The following ANKRD44 variants were observed in gnomAD, a reference collection of about 807,000 sequenced individuals.
The protein encoded by ANKRD44 is serine/threonine-protein phosphatase 6 regulatory ankyrin repeat subunit B.
A neutral mutation model predicts 116.0 loss-of-function variants in ANKRD44; 35 were observed. That is an observed-to-expected ratio of 0.30 (90% CI 0.23 to 0.40). The LOEUF (loss-of-function observed/expected upper bound fraction) is 0.40, where lower values mean the gene tolerates loss of function less well. Ranked by LOEUF, ANKRD44 falls within the 10% of genes least tolerant of loss-of-function variation. The pLI, the probability that ANKRD44 is intolerant of heterozygous loss-of-function variation, is 1.00. For missense variants in ANKRD44, 1,014 were observed against 1,242.6 expected, an observed-to-expected ratio of 0.82 and a Z score of 2.77; for synonymous variants, 435 against 461.8, an observed-to-expected ratio of 0.94 and a Z score of 0.74.
At chr2:197,216,811 A>G (rs1270191128) in intron 1 of ANKRD44, among the ~76,000 whole-genome samples, 1 of 151,598 alleles carries the variant, frequency 6.6e-6, no homozygotes, top group Non-Finnish European at 1.5e-5. Flanking sequence ...ACTTTATGCC[A>G]TGAAATCTAA....
At chr2:197,282,313 T>C (rs1258144771) in intron 1 of ANKRD44, among the ~76,000 whole-genome samples, 3 of 152,074 alleles carry the variant, frequency 2.0e-5, no homozygotes, top group Non-Finnish European at 4.4e-5. Context: ...ATGTTTTCTT[T>C]TTTTTTTTCT....
At chr2:197,078,949 G>T in intron 15 of ANKRD44, 135 bp from the exon 16 acceptor site, 2 of 714,086 alleles carry the variant, frequency 2.8e-6, no homozygotes, top group Non-Finnish European at 4.2e-6. Flanking sequence ...CTACAGCAAT[G>T]AAGTTTTATG....
At chr2:197,003,295 C>T (rs2076146546) in intron 21 of ANKRD44, among the ~76,000 whole-genome samples, 1 of 151,798 alleles carries the variant, frequency 6.6e-6, no homozygotes, top group Admixed American at 6.6e-5. Flanking sequence ...CAGAGTAAGA[C>T]TCCATACACC....
Position 197,099,169 on chromosome 2 carries a change from GAC to G in ANKRD44, c.1100+645_1100+646del. Among the ~76,000 whole-genome samples, 2 of 152,020 alleles carry G rather than the reference GAC, an allele frequency of 1.3e-5. 1 individual carries two copies. Among genetic ancestry groups the G allele is most frequent in the Non-Finnish European group, 2.9e-5 (2 of 68,012 alleles). ...TCTCTCCTCCCTGTCTATATTCTGT[GAC>G]ACAGATTGTCTACACCAAACATTTG... On this transcript the variant is annotated intron_variant, in intron 10 of 27. Transcript: ENST00000282272.
intron 2 of ANKRD44, among the ~76,000 whole-genome samples, chr2:197,186,752 C>T (rs953980603): frequency 4.0e-5 from 6 of 149,588 alleles, no homozygotes; most frequent in African/African-American, 7.4e-5. Context: ...TGAACCACTG[C>T]GCCCAGCCTA....
intron 16 of ANKRD44, among the ~76,000 whole-genome samples, chr2:197,058,237 C>G (rs1165254133): frequency 6.6e-6 from 1 of 152,140 alleles, no homozygotes; most frequent in Admixed American, 6.5e-5. Flanking sequence ...ATTGCCATTA[C>G]TGCACATACT....
intron 1 of ANKRD44, among the ~76,000 whole-genome samples, chr2:197,246,760 C>T (rs774904318): frequency 4.0e-4 from 61 of 152,180 alleles, no homozygotes; most frequent in Non-Finnish European, 8.1e-4. Flanking sequence ...TCCCTCATTT[C>T]ATCCTCACTA....
intron 2 of ANKRD44, among the ~76,000 whole-genome samples, chr2:197,173,349 C>G (rs2080287857): frequency 6.6e-6 from 1 of 152,152 alleles, no homozygotes; most frequent in African/African-American, 2.4e-5. Flanking sequence ...ACTTTGTCCT[C>G]TAGCAAGTAT....
chr2:197,029,580 A>T, intron 16 of ANKRD44: 1 of 459,790 alleles, frequency 2.2e-6, no homozygotes, highest in South Asian at 1.6e-5. Flanking sequence ...GCAAGTTTCA[A>T]ACTGTTCAGT....
chr2:197,135,475 A>T (rs1444070441), intron 4 of ANKRD44: 1 of 152,228 alleles, frequency 6.6e-6, no homozygotes, highest in Non-Finnish European at 1.5e-5. Context: ...CTCATCCTTT[A>T]TACTTCCCCT....
At chr2:197,076,532 A>G (rs115718435) in intron 16 of ANKRD44, among the ~76,000 whole-genome samples, 6,214 of 152,250 alleles carry the variant, frequency 0.041, 428 homozygotes, top group African/African-American at 0.14. Context: ...GTTCAGGGGT[A>G]CATGTGCAGG....
intron 1 of ANKRD44, among the ~76,000 whole-genome samples, chr2:197,251,946 A>T (rs1163521263): frequency 1.3e-5 from 2 of 152,226 alleles, no homozygotes; most frequent in Non-Finnish European, 2.9e-5. Flanking sequence ...AAATTCTAAG[A>T]GTAATATTAA....
intron 1 of ANKRD44, among the ~76,000 whole-genome samples, chr2:197,245,868 T>C (rs2082180470): frequency 1.3e-5 from 2 of 152,182 alleles, no homozygotes; most frequent in South Asian, 4.1e-4. Context: ...AGAAATAAAA[T>C]ATATTCCCTA....
intron 1 of ANKRD44, among the ~76,000 whole-genome samples, chr2:197,271,226 C>A (rs529964816): frequency 6.6e-5 from 10 of 152,098 alleles, no homozygotes; most frequent in Non-Finnish European, 1.0e-4. Context: ...TTGTGTGCAC[C>A]CTCAAAATCC....
chr2:197,298,539 G>A (rs922837602), intron 1 of ANKRD44, among the ~76,000 whole-genome samples: 2 of 152,158 alleles, frequency 1.3e-5, no homozygotes, highest in Non-Finnish European at 2.9e-5. Flanking sequence ...GAGAGTGGAG[G>A]CCTTAAGAGG....
intron 16 of ANKRD44, among the ~76,000 whole-genome samples, chr2:197,042,570 C>T (rs4850749): frequency 0.1 from 15,520 of 151,580 alleles, 896 homozygotes; most frequent in Middle Eastern, 0.16. Context: ...ACCTGTCTCT[C>T]GGGGAAGACA....
At chr2:196,993,189 C>A (rs2075952352) in intron 27 of ANKRD44, among the ~76,000 whole-genome samples, 1 of 152,144 alleles carries the variant, frequency 6.6e-6, no homozygotes, top group African/African-American at 2.4e-5. Flanking sequence ...AACTTAAATA[C>A]AATCAAAGAT....
chr2:196,995,678 G>A (rs1312813262), intron 25 of ANKRD44, among the ~76,000 whole-genome samples: 4 of 152,078 alleles, frequency 2.6e-5, no homozygotes, highest in African/African-American at 9.7e-5. Flanking sequence ...GTTAACATAA[G>A]TCTGATCTAA....
At chr2:197,042,668 T>C (rs987506703) in intron 16 of ANKRD44, among the ~76,000 whole-genome samples, 1 of 152,198 alleles carries the variant, frequency 6.6e-6, no homozygotes, top group African/African-American at 2.4e-5. Flanking sequence ...CATATGAATT[T>C]TAAGAAGTCT....
Sources: allele counts gnomAD v4.1 joint callset (sites outside exome capture counted in the v4.1 genomes callset), GRCh38; gene constraint gnomAD v4.1.1; transcripts MANE v1.5; gene names NCBI Gene and HGNC (gene_info 2026-07-23, HGNC 2026-07-21).